The following NAA11 variants were observed in gnomAD, a reference collection of about 807,000 sequenced individuals.
NAA11 encodes the protein N-alpha-acetyltransferase 11.
A neutral mutation model predicts 16.1 loss-of-function variants in NAA11; 15 were observed. The observed-to-expected ratio is 0.93, with a 90% confidence interval of 0.62 to 1.44. The LOEUF (loss-of-function observed/expected upper bound fraction) is 1.44. NAA11 is among the 40% of genes most tolerant of loss of function. NAA11 has a pLI of 0.00. For synonymous variants in NAA11, 122 were observed against 112.4 expected (o/e 1.09, Z -0.54); for missense variants, 298 against 291.3 (o/e 1.02, Z -0.17).
the NAA11 span, among the ~76,000 whole-genome samples, chr4:79,197,278 T>G: frequency 6.6e-6 from 1 of 151,968 alleles, no homozygotes; most frequent in African/African-American, 2.4e-5. Flanking sequence ...ACTTTGAGAT[T>G]TACTCTGAAT....
At chr4:79,213,844 A>G in the NAA11 span, among the ~76,000 whole-genome samples, 15 of 152,306 alleles carry the variant, frequency 9.8e-5, no homozygotes, top group African/African-American at 3.6e-4. Flanking sequence ...TCACAGAAAT[A>G]CTGATGACAT....
chr4:79,195,644 T>C, the NAA11 span, among the ~76,000 whole-genome samples: 1 of 152,096 alleles, frequency 6.6e-6, no homozygotes, highest in African/African-American at 2.4e-5. Flanking sequence ...CCTATTGATA[T>C]GGTTTGGCTG....
Position 79,319,385 on chromosome 4 carries a change from T to C in NAA11, c.*13-1594A>G, listed in dbSNP as rs566707195. ...GGCTTTACTTTAAAAAAAAATCCTA[T>C]AATTTTCCAAAGATATTTATCTATA... On this transcript the variant is annotated intron_variant, in intron 1 of 1. Transcript: ENST00000286794. Among the ~76,000 whole-genome samples the C allele has an allele frequency of 3.2e-3, 493 of 152,314 alleles. 2 individuals carry two copies. The highest frequency in any genetic ancestry group is 5.3e-3 in the Non-Finnish European group (362 of 68,020).
chr4:79,309,808 C>T (rs1432470080), intron 1 of NAA11, among the ~76,000 whole-genome samples: 3 of 150,572 alleles, frequency 2.0e-5, no homozygotes, highest in Middle Eastern at 3.4e-3. Context: ...CTCCATCTCC[C>T]GGGTTCACGC....
rs551799641 is a variant in NAA11, at chr4:79,236,816, T to A, written c.*123-10546A>T. On this transcript the variant is annotated intron_variant and NMD_transcript_variant, in intron 2 of 2. Coordinates refer to the NAA11 transcript ENST00000511542. ...TGAGGTGGCAGAGGAGCTTAACACT[T>A]CATGGGACCCTTTTGCACAAGTGAC... Among the ~76,000 whole-genome samples, 3 of 152,218 alleles carry A rather than the reference T, an allele frequency of 2.0e-5. No individual in the cohort carries two copies. In the South Asian group the frequency reaches 6.2e-4, roughly 32 times the overall value.
At chr4:79,235,312 G>C (rs1322336987) in intron 2 of NAA11, among the ~76,000 whole-genome samples, 1 of 152,066 alleles carries the variant, frequency 6.6e-6, no homozygotes, top group Non-Finnish European at 1.5e-5. Context: ...CTAGCACCTC[G>C]GAGCCAGTGA....
At chr4:79,277,939 TA>T (rs577610529) in intron 2 of NAA11, among the ~76,000 whole-genome samples, 11 of 147,040 alleles carry the variant, frequency 7.5e-5, no homozygotes, top group African/African-American at 1.0e-4. Context: ...AAAAGAAAAT[TA>T]AAAAAAAAAG....
the NAA11 span, among the ~76,000 whole-genome samples, chr4:79,185,518 C>T: frequency 6.6e-6 from 1 of 152,122 alleles, no homozygotes; most frequent in African/African-American, 2.4e-5. Context: ...TTGGGAATTT[C>T]CTAGATGATC....
downstream of NAA11, among the ~76,000 whole-genome samples, chr4:79,312,556 CAGG>C (rs1369313093): frequency 6.9e-6 from 1 of 144,924 alleles, no homozygotes; most frequent in Non-Finnish European, 1.5e-5. Context: ...GAGGCTGAGG[CAGG>C]AGAATTACCT....
At chr4:79,189,145 CAA>C in the NAA11 span, among the ~76,000 whole-genome samples, 5 of 42,294 alleles carry the variant, frequency 1.2e-4, no homozygotes, top group East Asian at 2.3e-3. Context: ...GACTCCATCT[CAA>C]AAAAAAAAAA....
downstream of NAA11, among the ~76,000 whole-genome samples, chr4:79,224,921 C>T (rs534869797): frequency 6.6e-5 from 10 of 151,968 alleles, no homozygotes; most frequent in Non-Finnish European, 1.0e-4. Context: ...ACAAAAGATC[C>T]GACCAGTACT....
chr4:79,177,228 T>TG, the NAA11 span, among the ~76,000 whole-genome samples: 1 of 152,070 alleles, frequency 6.6e-6, no homozygotes, highest in African/African-American at 2.4e-5. Flanking sequence ...CATAATGTTT[T>TG]GGGGGTGAAC....
the NAA11 span, among the ~76,000 whole-genome samples, chr4:79,195,053 C>A: frequency 1.3e-5 from 2 of 152,060 alleles, no homozygotes; most frequent in Non-Finnish European, 2.9e-5. Context: ...CCTATCTAAT[C>A]TAAATACTTC....
chr4:79,310,248 C>A (rs996150578), intron 1 of NAA11, among the ~76,000 whole-genome samples: 1 of 152,078 alleles, frequency 6.6e-6, no homozygotes, highest in Admixed American at 6.5e-5. Context: ...CATAAAAACA[C>A]GTATTGGAAT....
the NAA11 span, among the ~76,000 whole-genome samples, chr4:79,192,309 T>C: frequency 6.6e-6 from 1 of 151,786 alleles, no homozygotes. Flanking sequence ...ACATGTGCCA[T>C]GTTGGTGTGC....
At chr4:79,167,727 G>A in the NAA11 span, among the ~76,000 whole-genome samples, 4 of 152,028 alleles carry the variant, frequency 2.6e-5, no homozygotes, top group African/African-American at 9.7e-5. Context: ...CATGAGGCTG[G>A]CATCTGCTTA....
At position 79,269,846 on chromosome 4, in the gene NAA11, T is replaced by G. The variant is rs1722448794; in HGVS notation, c.*122+24159A>C. Among the ~76,000 whole-genome samples the G allele has an allele frequency of 2.0e-5, 3 of 149,100 alleles. No individual in the cohort carries two copies. In the South Asian group the frequency reaches 6.4e-4, roughly 32 times the overall value. On this transcript the variant is annotated intron_variant and NMD_transcript_variant, in intron 2 of 2. Coordinates refer to the NAA11 transcript ENST00000511542. ...TTTTTATGGTTTTAGGTCTAACGTTTAAATCTTTAATCCATCTTGAATTGA... is the reference window on the plus strand; with the variant it reads ...TTTTTATGGTTTTAGGTCTAACGTTGAAATCTTTAATCCATCTTGAATTGA...
intron 2 of NAA11, among the ~76,000 whole-genome samples, chr4:79,228,873 T>C (rs938513198): frequency 2.6e-5 from 4 of 152,028 alleles, no homozygotes; most frequent in Admixed American, 6.6e-5. Context: ...TGTTCAAACA[T>C]GTGAAAAACG....
the NAA11 span, among the ~76,000 whole-genome samples, chr4:79,188,802 T>G: frequency 2.0e-5 from 3 of 152,066 alleles, no homozygotes; most frequent in Non-Finnish European, 2.9e-5. Context: ...GAAGAGAGTC[T>G]TCAGCCTCTC....
Sources: gnomAD v4.1 joint callset for allele counts (sites outside exome capture counted in the v4.1 genomes callset) on GRCh38, gnomAD v4.1.1 for gene constraint, MANE v1.5 for transcripts, NCBI Gene and HGNC (gene_info 2026-07-23, HGNC 2026-07-21) for gene names.